P4HA3: variants seen among roughly 807,000 people sequenced by gnomAD.
The protein encoded by P4HA3 is prolyl 4-hydroxylase subunit alpha-3.
A neutral mutation model predicts 66.7 loss-of-function variants in P4HA3; 60 were observed. The ratio of observed to expected loss-of-function variants is 0.90; its 90% CI spans 0.73 to 1.12. P4HA3 has a LOEUF of 1.12. Ranked by LOEUF, P4HA3 falls within the 50% of genes most tolerant of loss-of-function variation. The probability of loss-of-function intolerance (pLI) is 0.00; values close to 1 mark genes in which losing one functional copy is unlikely to be tolerated. For synonymous variants in P4HA3, 263 were observed against 274.6 expected (o/e 0.96, Z 0.42); for missense variants, 683 against 685.8 (o/e 1.00, Z 0.05).
Position 74,311,621 on chromosome 11 carries a change from T to C in P4HA3, c.-10A>G. 1 of 1,490,314 alleles carries C rather than the reference T, an allele frequency of 6.7e-7. No individual in the cohort carries two copies. Among genetic ancestry groups the C allele is most frequent in the Non-Finnish European group, 8.8e-7 (1 of 1,131,602 alleles). The allele number at this position is 1,490,314 out of a possible 1,614,324, so 92.3% of individuals were successfully genotyped here. A position where few individuals can be genotyped will look rare whatever the true frequency, so the allele number is the denominator to read the frequency against. ...GCGCCCCAGGACCCATAGCCAGCGC[T>C]CGCGAACTTCCCCTCAGACAGTCCT... On this transcript the variant is annotated 5_prime_UTR_variant, in exon 1 of 13. Coordinates refer to ENST00000331597, the MANE Select transcript of P4HA3 (RefSeq NM_182904.5).
intron 15 of P4HA3, chr11:74,251,344 G>A (rs1859654804): frequency 7.4e-7 from 1 of 1,355,934 alleles, no homozygotes; most frequent in Non-Finnish European, 9.5e-7. Flanking sequence ...CTAAACCACA[G>A]GCACAGTTAG....
intron 15 of P4HA3, chr11:74,252,425 A>G (rs1565398645): frequency 6.6e-6 from 3 of 454,598 alleles, no homozygotes; most frequent in Non-Finnish European, 1.3e-5. Context: ...AGTGTTGCAC[A>G]GTGTCTTCCC....
At position 74,279,306 on chromosome 11, in the gene P4HA3, A is replaced by C. The variant is rs975043739; in HGVS notation, c.1175+82T>G. ...GATTCTCCACCTCTGGAGGTCCCTG[A>C]ATGGCTGTTGCTGACTGGCAGTCAG... is the stretch of plus-strand genomic sequence containing the variant. On this transcript the variant is annotated intron_variant, in intron 8 of 12. Transcript: ENST00000331597. The C allele has an allele frequency of 1.1e-5, 14 of 1,312,524 alleles. No homozygotes were observed. The Admixed American group carries it at 2.2e-4, about 21-fold the overall frequency. The allele number at this position is 1,312,524 out of a possible 1,614,324, so 81.3% of individuals were successfully genotyped here.
chr11:74,310,910 C>T (rs753128644), intron 1 of P4HA3, among the ~76,000 whole-genome samples: 2 of 152,172 alleles, frequency 1.3e-5, no homozygotes, highest in Non-Finnish European at 2.9e-5. Flanking sequence ...TCAATACTTG[C>T]GTAGCTAAAG....
intron 7 of P4HA3, among the ~76,000 whole-genome samples, chr11:74,281,925 AT>A (rs202157926): frequency 0.15 from 22,395 of 149,102 alleles, 1,961 homozygotes; most frequent in East Asian, 0.3. Flanking sequence ...AAAATAAAAA[AT>A]AAATAAAATG....
At chr11:74,281,189 A>C (rs1860581741) in intron 7 of P4HA3, among the ~76,000 whole-genome samples, 1 of 152,216 alleles carries the variant, frequency 6.6e-6, no homozygotes, top group Non-Finnish European at 1.5e-5. Context: ...ATCTCACACC[A>C]GTTAGAATGG....
intron 15 of P4HA3, among the ~76,000 whole-genome samples, chr11:74,257,219 G>A (rs1859844705): frequency 6.6e-6 from 1 of 152,146 alleles, no homozygotes. Flanking sequence ...CTGCCTCCCA[G>A]GTTCAAGCAA....
In P4HA3 at chr11:74,289,104, G is replaced by A. The variant is rs745581978; in HGVS notation, c.744C>T (p.Ser248=). The change falls in exon 5 of 13, where the codon AGC becomes AGT. Residue 248 remains serine, a synonymous_variant. Coordinates refer to ENST00000331597, the MANE Select transcript of P4HA3 (RefSeq NM_182904.5). ...FRAGNVSCAL[S]LSREFLLYSP... is the part of the protein sequence containing the mutation. ...TGTAGAGAAGAAACTCCCGAGAGAG[G>A]CTGAGGGCACACGAAACATTTCCTG... 8.8e-6 allele frequency: 14 copies of A among 1,582,610 alleles called. No homozygotes were observed. The highest frequency in any genetic ancestry group is 1.7e-4 in the Middle Eastern group (1 of 5,932).
intron 7 of P4HA3, among the ~76,000 whole-genome samples, chr11:74,280,459 C>T (rs1860554639): frequency 6.6e-6 from 1 of 152,136 alleles, no homozygotes. Context: ...CATACCGGGC[C>T]TAAATTATTT....
chr11:74,267,935 CT>C (rs1860045056), intron 12 of P4HA3, among the ~76,000 whole-genome samples: 1 of 152,214 alleles, frequency 6.6e-6, no homozygotes. Flanking sequence ...TAAACCTTTA[CT>C]GACTGTCACT....
intron 1 of P4HA3, among the ~76,000 whole-genome samples, chr11:74,307,988 C>A (rs1397681330): frequency 6.6e-6 from 1 of 151,976 alleles, no homozygotes; most frequent in African/African-American, 2.4e-5. Flanking sequence ...AGGATAAACT[C>A]TTTTTATATA....
rs1436487008 is a variant in P4HA3, at chr11:74,252,277, G to A, written c.*1319-4276C>T. The A allele has an allele frequency of 1.5e-5, 4 of 270,448 alleles. No homozygotes were observed. The East Asian group carries it at 3.8e-4, about 26-fold the overall frequency. The allele number at this position is 270,448 out of a possible 1,614,324, so 16.8% of individuals were successfully genotyped here. A position where few individuals can be genotyped will look rare whatever the true frequency, so the allele number is the denominator to read the frequency against. On this transcript the variant is annotated intron_variant and NMD_transcript_variant, in intron 15 of 15. Coordinates refer to the P4HA3 transcript ENST00000524388. Reference sequence around the variant, plus strand: ...TTTTTTTTTTTTTTTAGTAAAGATGGTGGTTTCTCCATGTTGGCCAGGCTG... The same window carrying A: ...TTTTTTTTTTTTTTTAGTAAAGATGATGGTTTCTCCATGTTGGCCAGGCTG...
In P4HA3 at chr11:74,277,160, G is replaced by T; in HGVS notation, c.1176-16C>A. Reference sequence around the variant, plus strand: ...CAGCCAGGCACTAAAACACACCACAGATTGAAGCATCAATGATCTGTTGCC... The same window carrying T: ...CAGCCAGGCACTAAAACACACCACATATTGAAGCATCAATGATCTGTTGCC... On this transcript the variant is annotated splice_polypyrimidine_tract_variant and intron_variant, in intron 8 of 12. Coordinates refer to ENST00000331597, the MANE Select transcript of P4HA3 (RefSeq NM_182904.5). 1 of 1,602,318 alleles carries T rather than the reference G, an allele frequency of 6.2e-7. No individual in the cohort carries two copies. Among genetic ancestry groups the T allele is most frequent in the Non-Finnish European group, 8.5e-7 (1 of 1,172,768 alleles).
chr11:74,297,351 G>C (rs996740954), intron 4 of P4HA3, among the ~76,000 whole-genome samples: 4 of 152,078 alleles, frequency 2.6e-5, no homozygotes, highest in Admixed American at 1.3e-4. Context: ...TGTTTGGGCA[G>C]CAACACATGG....
At position 74,302,476 on chromosome 11, in the gene P4HA3, G is replaced by C; in HGVS notation, c.460C>G (p.Leu154Val). ...ACTCTCTGAAAGACACCTCGGGCCAGGCCTTTCACATTGAGCATGTACACG... is the reference window on the plus strand; with the variant it reads ...ACTCTCTGAAAGACACCTCGGGCCACGCCTTTCACATTGAGCATGTACACG... ...QDVYMLNVKG[L>V]ARGVFQRVTG... The change falls in exon 3 of 13, where the codon CTG becomes GTG. Residue 154 changes from leucine (L) to valine (V), a missense_variant. Transcript: ENST00000331597. 2 of 1,614,194 alleles carry C rather than the reference G, an allele frequency of 1.2e-6. No individual in the cohort carries two copies. Among genetic ancestry groups the C allele is most frequent in the Non-Finnish European group, 1.7e-6 (2 of 1,180,040 alleles).
chr11:74,285,657 C>A (rs1452304259), intron 7 of P4HA3, 152 bp downstream of exon 7: 2 of 763,198 alleles, frequency 2.6e-6, no homozygotes, highest in East Asian at 2.5e-5. Flanking sequence ...TGATTTTTTT[C>A]CACCATGGAC....
chr11:74,306,991 A>G (rs765366056), intron 1 of P4HA3, among the ~76,000 whole-genome samples: 2 of 152,146 alleles, frequency 1.3e-5, no homozygotes, highest in Non-Finnish European at 2.9e-5. Flanking sequence ...CTACTTAGGG[A>G]AAGATACTCC....
At chr11:74,274,907 TG>T (rs1338842171) in intron 9 of P4HA3, among the ~76,000 whole-genome samples, 2 of 152,342 alleles carry the variant, frequency 1.3e-5, no homozygotes, top group East Asian at 3.9e-4. Context: ...TATCTCATTG[TG>T]GTTTTAATTT....
intron 1 of P4HA3, 116 bp from the exon 2 acceptor site, chr11:74,304,528 G>T: frequency 8.1e-7 from 1 of 1,236,860 alleles, no homozygotes; most frequent in Admixed American, 2.2e-5. Context: ...AACCTCTTGA[G>T]ATTCACATAA....
Sources: allele counts gnomAD v4.1 joint callset (sites outside exome capture counted in the v4.1 genomes callset), GRCh38; gene constraint gnomAD v4.1.1; transcripts MANE v1.5; gene names NCBI Gene and HGNC (gene_info 2026-07-23, HGNC 2026-07-21).